The following KSR1 variants were observed in gnomAD, a reference collection of about 807,000 sequenced individuals.
KSR1 encodes kinase suppressor of ras 1, also known as kinase suppressor of ras.
In KSR1, 35 loss-of-function variants were observed where a neutral mutation model predicts 92.9. The observed-to-expected ratio is 0.38, with a 90% CI of 0.29 to 0.50. KSR1 has a LOEUF of 0.50. Ranked by LOEUF, KSR1 falls within the 20% of genes least tolerant of loss-of-function variation. The probability of loss-of-function intolerance (pLI) is 0.94; values close to 1 mark genes in which losing one functional copy is unlikely to be tolerated. For missense variants in KSR1, 972 were observed against 1,158.5 expected, an observed-to-expected ratio of 0.84 and a Z score of 2.34; for synonymous variants, 467 against 472.6, an observed-to-expected ratio of 0.99 and a Z score of 0.15.
intron 2 of KSR1, among the ~76,000 whole-genome samples, chr17:27,551,623 G>C (rs1430568030): frequency 6.6e-6 from 1 of 151,458 alleles, no homozygotes; most frequent in Admixed American, 6.6e-5. Flanking sequence ...GGACTGTCCT[G>C]TAAGGTAGTC....
intron 2 of KSR1, among the ~76,000 whole-genome samples, chr17:27,569,997 G>C (rs1286366012): frequency 6.6e-6 from 1 of 152,232 alleles, no homozygotes; most frequent in Non-Finnish European, 1.5e-5. Context: ...CTGGAAGCTA[G>C]ATATCTGGTC....
chr17:27,611,067 C>T (rs1002694720), intron 17 of KSR1, among the ~76,000 whole-genome samples: 5 of 152,236 alleles, frequency 3.3e-5, no homozygotes, highest in African/African-American at 1.2e-4. Flanking sequence ...GCCATCCTTC[C>T]TCCCTGACCT....
intron 4 of KSR1, among the ~76,000 whole-genome samples, chr17:27,585,118 A>G (rs2072918109): frequency 6.6e-6 from 1 of 152,086 alleles, no homozygotes; most frequent in Non-Finnish European, 1.5e-5. Context: ...TGTATTTTTA[A>G]TAGACACAAG....
intron 1 of KSR1, among the ~76,000 whole-genome samples, chr17:27,545,245 G>A (rs2071124318): frequency 6.6e-6 from 1 of 152,230 alleles, no homozygotes; most frequent in Non-Finnish European, 1.5e-5. Context: ...TTCTAGGGAA[G>A]CTGTCCTGGC....
At chr17:27,477,556 G>A (rs2068382441) in intron 1 of KSR1, among the ~76,000 whole-genome samples, 1 of 152,162 alleles carries the variant, frequency 6.6e-6, no homozygotes, top group South Asian at 2.1e-4. Flanking sequence ...TCACTGGACT[G>A]TGGGGTGGTA....
chr17:27,592,271 A>G (rs1169272232), intron 7 of KSR1, 90 bp from the exon 8 acceptor site: 4 of 941,112 alleles, frequency 4.3e-6, no homozygotes, highest in African/African-American at 3.3e-5. Context: ...AAATGGAGAC[A>G]GTCCTGAGTG....
chr17:27,461,243 G>T, intron 1 of KSR1, among the ~76,000 whole-genome samples: 3 of 152,088 alleles, frequency 2.0e-5, no homozygotes, highest in African/African-American at 7.2e-5. Context: ...ACTATGTCCA[G>T]CTAATTTTCG....
At chr17:27,588,123 GAGAGGTTGCA>G (rs978136668) in intron 5 of KSR1, 1 of 167,374 alleles carries the variant, frequency 6.0e-6, no homozygotes, top group African/African-American at 2.4e-5. Context: ...GTGTGTCGGT[GAGAGGTTGCA>G]AGAGGTTGGG....
intron 1 of KSR1, among the ~76,000 whole-genome samples, chr17:27,547,575 TTAA>T (rs2151082087): frequency 6.6e-6 from 1 of 152,340 alleles, no homozygotes; most frequent in East Asian, 1.9e-4. Flanking sequence ...GTTTAATACT[TTAA>T]TAAAGAAGCT....
At chr17:27,573,738 A>G (rs1476774298) in intron 2 of KSR1, among the ~76,000 whole-genome samples, 2 of 152,242 alleles carry the variant, frequency 1.3e-5, no homozygotes, top group African/African-American at 4.8e-5. Flanking sequence ...AATCGTGCGC[A>G]CGTGGGTTTC....
intron 7 of KSR1, 70 bp from the exon 8 acceptor site, chr17:27,592,291 C>G: frequency 8.0e-7 from 1 of 1,255,992 alleles, no homozygotes. Flanking sequence ...GAATGCTACA[C>G]AGAGCTACCC....
rs1428400055 is a variant in KSR1, at chr17:27,577,672, GGCCTGGT to G, written c.520+37_520+43del. 1 of 1,497,062 alleles carries G rather than the reference GGCCTGGT, an allele frequency of 6.7e-7. No homozygotes were observed. Among genetic ancestry groups the G allele is most frequent in the East Asian group, 2.5e-5 (1 of 40,806 alleles). The allele number at this position is 1,497,062 out of a possible 1,614,324, so 92.7% of individuals were successfully genotyped here. A position where few individuals can be genotyped will look rare whatever the true frequency, so the allele number is the denominator to read the frequency against. On this transcript the variant is annotated intron_variant, in intron 3 of 20. Coordinates refer to ENST00000644974, the MANE Select transcript of KSR1 (RefSeq NM_001394583.1). The surrounding 1 kb of genome is among the most constrained non-coding windows in gnomAD (Gnocchi z 4.5). ...GGGCCTGCCACCCTCTCCCTTGCCT[GGCCTGGT>G]GCCCTTGGGGCTGTGGCCTTCACTA... is the stretch of plus-strand genomic sequence containing the variant.
intron 2 of KSR1, among the ~76,000 whole-genome samples, chr17:27,565,755 G>A (rs2072036637): frequency 6.6e-6 from 1 of 152,156 alleles, no homozygotes; most frequent in Non-Finnish European, 1.5e-5. Flanking sequence ...AGCATTCTGT[G>A]AATCTAATTA....
chr17:27,462,328 G>A (rs1241366079), intron 1 of KSR1, among the ~76,000 whole-genome samples: 3 of 152,164 alleles, frequency 2.0e-5, no homozygotes, highest in Non-Finnish European at 2.9e-5. Flanking sequence ...TTGCTGTGGC[G>A]GGGAGATTCT....
chr17:27,480,843 G>A (rs114511585), intron 1 of KSR1, among the ~76,000 whole-genome samples: 168 of 152,322 alleles, frequency 1.1e-3, no homozygotes, highest in African/African-American at 3.8e-3. Context: ...GTAGTTTTCC[G>A]ATGTTGGAAA....
At position 27,610,151 on chromosome 17, in the gene KSR1, C is replaced by G. The variant is rs375752614; in HGVS notation, c.2310C>G (p.Asp770Glu). The G allele has an allele frequency of 6.2e-7, 1 of 1,613,884 alleles. No homozygotes were observed. Among genetic ancestry groups the G allele is most frequent in the Non-Finnish European group, 8.5e-7 (1 of 1,179,884 alleles). ...EIVREMTPGK[D>E]EDQLPFSKAA... ...TACGCGAGATGACCCCCGGGAAGGACGAGGATCAGCTGCCATTCTCCAAAG... is the reference window on the plus strand; with the variant it reads ...TACGCGAGATGACCCCCGGGAAGGAGGAGGATCAGCTGCCATTCTCCAAAG... The change falls in exon 17 of 21, where the codon GAC becomes GAG. Residue 770 changes from aspartate (D) to glutamate (E), a missense_variant. This residue lies in a region of KSR1 where 260 missense variants were observed against 375.2 expected (regional missense o/e 0.69). Coordinates refer to ENST00000644974, the MANE Select transcript of KSR1 (RefSeq NM_001394583.1).
chr17:27,609,258 C>T lies in KSR1; in HGVS notation c.2154C>T (p.Phe718=). 6.2e-7 allele frequency: 1 copy of T among 1,614,004 alleles called. No individual in the cohort carries two copies. The highest frequency in any genetic ancestry group is 8.5e-7 in the Non-Finnish European group (1 of 1,179,894). The part of the protein sequence containing the change: ...VHKDLKSKNV[F]YDNGKVVITD... ...AAGATCTCAAATCTAAGAACGTCTTCTATGACAACGGCAAGGTGGTCATCA... is the reference window on the plus strand; with the variant it reads ...AAGATCTCAAATCTAAGAACGTCTTTTATGACAACGGCAAGGTGGTCATCA... The change falls in exon 16 of 21, where the codon TTC becomes TTT. Residue 718 remains phenylalanine (F), a synonymous_variant. Transcript: ENST00000644974.
intron 1 of KSR1, chr17:27,526,703 G>A (rs2070315737): frequency 8.1e-6 from 12 of 1,478,730 alleles, no homozygotes; most frequent in Admixed American, 5.1e-5. Context: ...AGCTGAACAC[G>A]AGGGTTCAGG....
Position 27,597,277 on chromosome 17 carries a change from C to T in KSR1, c.1309C>T (p.Pro437Ser). The change falls in exon 10 of 21, where the codon CCG (proline) becomes TCG (serine). Residue 437 changes from proline to serine, a missense_variant. This residue lies in a region of KSR1 where 611 missense variants were observed against 668.0 expected (regional missense o/e 0.91). Transcript: ENST00000644974. ...PKALTKKEHP[P>S]AMNHLDSSSN... ...ATCTCTGGTCCTGCAGGAGCACCCT[C>T]CGGCCATGAATCACCTGGACTCCAG... 6.3e-7 allele frequency: 1 copy of T among 1,589,372 alleles called. No individual in the cohort carries two copies. The highest frequency in any genetic ancestry group is 8.6e-7 in the Non-Finnish European group (1 of 1,168,578).
Sources: allele counts gnomAD v4.1 joint callset (sites outside exome capture counted in the v4.1 genomes callset), GRCh38; gene constraint gnomAD v4.1.1; regional missense constraint gnomAD v4.1.1; non-coding constraint Gnocchi (gnomAD v3.1); transcripts MANE v1.5; gene names NCBI Gene and HGNC (gene_info 2026-07-23, HGNC 2026-07-21).